Variants in PDE6C observed in about 807,000 individuals in gnomAD.
The protein encoded by PDE6C is cone cGMP-specific 3',5'-cyclic phosphodiesterase subunit alpha'.
PDE6C carries 75 observed loss-of-function variants against 113.1 expected under a neutral mutation model. The ratio of observed to expected loss-of-function variants is 0.66; its 90% CI spans 0.55 to 0.80. The LOEUF is 0.80. Ranked by LOEUF, PDE6C falls within the 30% of genes least tolerant of loss-of-function variation. The pLI is 0.00. For missense variants in PDE6C, 912 were observed against 1,038.6 expected (o/e 0.88, Z 1.67); for synonymous variants, 375 against 363.7 (o/e 1.03, Z -0.35).
At chr10:93,629,383 C>A in intron 8 of PDE6C, 78 bp downstream of exon 8, 1 of 1,040,052 alleles carries the variant, frequency 9.6e-7, no homozygotes. Flanking sequence ...CCTCCACCCC[C>A]AGAGTCCGCC....
At chr10:93,629,172 A>T in intron 7 of PDE6C, 86 bp from the exon 8 acceptor site, 1 of 1,105,054 alleles carries the variant, frequency 9.0e-7, no homozygotes, top group Non-Finnish European at 1.4e-6. Flanking sequence ...CCTCACTCCC[A>T]ATGCGTTCTT....
chr10:93,632,198 T>G (rs1461935331), intron 8 of PDE6C, among the ~76,000 whole-genome samples: 1 of 152,214 alleles, frequency 6.6e-6, no homozygotes, highest in Non-Finnish European at 1.5e-5. Context: ...GTAATTACAT[T>G]GGGTCCACCT....
At chr10:93,640,262 G>T in intron 12 of PDE6C, 46 bp downstream of exon 12, 1 of 1,555,222 alleles carries the variant, frequency 6.4e-7, no homozygotes. Context: ...CTGTGGCTCT[G>T]CTTCACTGAT....
chr10:93,621,874 T>C (rs2058448183), intron 3 of PDE6C, 58 bp from the exon 4 acceptor site: 1 of 1,493,008 alleles, frequency 6.7e-7, no homozygotes, highest in African/African-American at 1.4e-5. Flanking sequence ...TGGTGAATGC[T>C]CTATCTCTCC....
At chr10:93,613,263 G>A in intron 1 of PDE6C, 58 bp downstream of exon 1, 4 of 1,606,336 alleles carry the variant, frequency 2.5e-6, no homozygotes, top group South Asian at 1.1e-5. Context: ...AGGAACAAAT[G>A]GGAAAGAGAG....
chr10:93,626,581 T>A, intron 5 of PDE6C, 59 bp from the exon 6 acceptor site: 1 of 977,850 alleles, frequency 1.0e-6, no homozygotes, highest in Non-Finnish European at 1.6e-6. Context: ...AGTTCCCCAA[T>A]GAAAAATGAT....
At chr10:93,623,534 T>A (rs767043244) in intron 4 of PDE6C, among the ~76,000 whole-genome samples, 11 of 152,228 alleles carry the variant, frequency 7.2e-5, no homozygotes, top group African/African-American at 1.2e-4. Context: ...TGAAGCCTCA[T>A]CAAACCCAAG....
At chr10:93,654,794 CT>C (rs1196168000) in intron 15 of PDE6C, among the ~76,000 whole-genome samples, 2 of 73,014 alleles carry the variant, frequency 2.7e-5, no homozygotes, top group African/African-American at 4.9e-5. Flanking sequence ...TTCTTTCTTT[CT>C]TTCTTTCTTT....
At chr10:93,636,954 T>C (rs778302611) in intron 10 of PDE6C, 41 bp from the exon 11 acceptor site, 2 of 1,031,150 alleles carry the variant, frequency 1.9e-6, no homozygotes, top group Non-Finnish European at 3.1e-6. Flanking sequence ...GGAAATCTTC[T>C]CCTTTAGGAA....
chr10:93,616,869 G>A lies in PDE6C; in HGVS notation c.480+3664G>A, dbSNP rs150013195. Among the ~76,000 whole-genome samples the A allele has an allele frequency of 3.0e-4, 46 of 152,284 alleles. 1 individual carries two copies. The highest frequency in any genetic ancestry group is 8.9e-4 in the African/African-American group (37 of 41,570). The stretch of plus-strand genomic sequence containing the variant: ...GGGTTTCACCATGTTGGCCAGGCTC[G>A]TCTTGAACTTCTGACCTCGTGATCT... On this transcript the variant is annotated intron_variant, in intron 1 of 21. Coordinates refer to ENST00000371447, the MANE Select transcript of PDE6C (RefSeq NM_006204.4).
intron 18 of PDE6C, among the ~76,000 whole-genome samples, chr10:93,659,835 T>C (rs966023631): frequency 1.3e-5 from 2 of 152,192 alleles, no homozygotes; most frequent in African/African-American, 4.8e-5. Context: ...AAGATCAGGA[T>C]GCATCGTTAG....
intron 14 of PDE6C, among the ~76,000 whole-genome samples, chr10:93,644,043 AAG>A (rs2058571658): frequency 2.0e-5 from 3 of 152,158 alleles, no homozygotes; most frequent in Admixed American, 1.3e-4. Context: ...GATGTTTTTG[AAG>A]AGTCTAGGCC....
chr10:93,629,361 G>C, intron 8 of PDE6C, 56 bp downstream of exon 8: 1 of 1,300,952 alleles, frequency 7.7e-7, no homozygotes, highest in Non-Finnish European at 1.1e-6. Flanking sequence ...AGGAGTGGAT[G>C]CTCTCGCCTC....
At chr10:93,636,368 T>TTGTGTGTGTGTGTGTGTG (rs56143950) in intron 10 of PDE6C, among the ~76,000 whole-genome samples, 97 of 141,354 alleles carry the variant, frequency 6.9e-4, no homozygotes, top group African/African-American at 9.0e-4. Flanking sequence ...TTCCCTGGCT[T>TTGTGTGTGTGTGTGTGTG]TGTGTGTGTG....
At chr10:93,649,324 T>C (rs2058598972) in intron 15 of PDE6C, among the ~76,000 whole-genome samples, 1 of 152,192 alleles carries the variant, frequency 6.6e-6, no homozygotes, top group South Asian at 2.1e-4. Flanking sequence ...ATGTATTCAA[T>C]GTTCATTAAT....
Position 93,622,022 on chromosome 10 carries a change from C to T in PDE6C, c.814C>T (p.Leu272=). The change falls in exon 4 of 22, where the codon CTG becomes TTG. Residue 272 remains leucine, a synonymous_variant. Coordinates refer to ENST00000371447, the MANE Select transcript of PDE6C (RefSeq NM_006204.4). ...HKALYTVRSY[L]NCERYSIGLL... ...AGCGCTCTACACGGTTAGATCATATCTGAACTGTGAACGATACTCCATTGG... is the reference window on the plus strand; with the variant it reads ...AGCGCTCTACACGGTTAGATCATATTTGAACTGTGAACGATACTCCATTGG... 2 of 1,613,862 alleles carry T rather than the reference C, an allele frequency of 1.2e-6. No homozygotes were observed. The highest frequency in any genetic ancestry group is 1.1e-5 in the South Asian group (1 of 91,080).
chr10:93,658,010 A>C (rs1239116252), intron 16 of PDE6C, among the ~76,000 whole-genome samples: 1 of 151,866 alleles, frequency 6.6e-6, no homozygotes, highest in Non-Finnish European at 1.5e-5. Flanking sequence ...CTCTACAAAA[A>C]AATTAAAAAA....
At chr10:93,637,136 CT>C (rs1192903082) in intron 11 of PDE6C, 73 bp downstream of exon 11, 5 of 776,628 alleles carry the variant, frequency 6.4e-6, no homozygotes, top group Non-Finnish European at 1.1e-5. Context: ...TTAGGACATG[CT>C]TTCTTGTTTT....
intron 4 of PDE6C, among the ~76,000 whole-genome samples, chr10:93,622,534 A>G (rs1282969335): frequency 2.6e-5 from 4 of 151,846 alleles, no homozygotes; most frequent in African/African-American, 4.8e-5. Flanking sequence ...AATGTCATAT[A>G]TCTGCTACTA....
Sources: allele counts gnomAD v4.1 joint callset (sites outside exome capture counted in the v4.1 genomes callset), GRCh38; gene constraint gnomAD v4.1.1; transcripts MANE v1.5; gene names NCBI Gene and HGNC (gene_info 2026-07-23, HGNC 2026-07-21).